Variants in TBC1D32 observed in about 807,000 individuals in gnomAD.
TBC1D32 encodes protein broad-minded.
TBC1D32 carries 151 observed loss-of-function variants against 170.3 expected under a neutral mutation model. That is an observed-to-expected ratio of 0.89 (90% confidence interval 0.78 to 1.01). The LOEUF is 1.01. Ranked by LOEUF, TBC1D32 falls within the 50% of genes least tolerant of loss-of-function variation. The pLI, the probability that TBC1D32 is intolerant of heterozygous loss-of-function variation, is 0.00. For synonymous variants in TBC1D32, 498 were observed against 488.0 expected (o/e 1.02, Z -0.27); for missense variants, 1,464 against 1,457.1 (o/e 1.00, Z -0.08).
chr6:121,275,647 T>C (rs1222977820), intron 15 of TBC1D32, among the ~76,000 whole-genome samples: 1 of 152,180 alleles, frequency 6.6e-6, no homozygotes, highest in Non-Finnish European at 1.5e-5. Flanking sequence ...GTACTTCCCA[T>C]AGACTGCTGG....
At chr6:121,261,680 A>G (rs1037718037) in intron 15 of TBC1D32, among the ~76,000 whole-genome samples, 5 of 152,198 alleles carry the variant, frequency 3.3e-5, no homozygotes, top group Admixed American at 2.0e-4. Context: ...GAAAGAATCA[A>G]TGAAAAAAAT....
rs909428257 is a variant in TBC1D32 at position 121,161,554 on chromosome 6, A to G, written c.2571-498T>C. On this transcript the variant is annotated intron_variant, in intron 22 of 31. Coordinates refer to ENST00000398212, the MANE Select transcript of TBC1D32 (RefSeq NM_152730.6). ...ATCCTTTCTATAGCTGCATAGTATTACATGCTGTATATGTATCACATTTTC... is the reference window on the plus strand; with the variant it reads ...ATCCTTTCTATAGCTGCATAGTATTGCATGCTGTATATGTATCACATTTTC... Among the ~76,000 whole-genome samples, 4 of 152,190 alleles carry G rather than the reference A, an allele frequency of 2.6e-5. No homozygotes were observed. The East Asian group carries it at 5.8e-4, about 22-fold the overall frequency.
chr6:121,289,094 A>T (rs1294347647), intron 12 of TBC1D32, among the ~76,000 whole-genome samples: 1 of 152,216 alleles, frequency 6.6e-6, no homozygotes, highest in East Asian at 1.9e-4. Context: ...AAACTGGCAC[A>T]AGACAAGGAT....
rs577371928 is a variant in TBC1D32, at chr6:121,316,348, C to T, written c.495+1147G>A. Reference sequence around the variant, plus strand: ...AAGAGCATATAATCTTGTGAGCCCCCAGAGTCATAAAATTGGGTTTTCTGT... The same window carrying T: ...AAGAGCATATAATCTTGTGAGCCCCTAGAGTCATAAAATTGGGTTTTCTGT... On this transcript the variant is annotated intron_variant, in intron 3 of 31. Transcript: ENST00000398212. Among the ~76,000 whole-genome samples, 31 of 152,192 alleles carry T rather than the reference C, an allele frequency of 2.0e-4. No homozygotes were observed. The South Asian group carries it at 6.4e-3, about 32-fold the overall frequency.
At chr6:121,094,385 T>C (rs1777159510) in intron 30 of TBC1D32, among the ~76,000 whole-genome samples, 1 of 152,022 alleles carries the variant, frequency 6.6e-6, no homozygotes, top group African/African-American at 2.4e-5. Context: ...CAGGCTGGTC[T>C]CAAACTCCTG....
chr6:121,098,571 A>G (rs1777683909), intron 30 of TBC1D32, among the ~76,000 whole-genome samples: 1 of 152,060 alleles, frequency 6.6e-6, no homozygotes, highest in African/African-American at 2.4e-5. Flanking sequence ...ACGTAAGACT[A>G]TTTCTGTTGC....
chr6:121,272,009 C>G lies in TBC1D32; in HGVS notation c.1733+7112G>C, dbSNP rs145714351. Among the ~76,000 whole-genome samples, 1,351 of 152,122 alleles carry G rather than the reference C, an allele frequency of 8.9e-3. 27 individuals are homozygous for G. Among genetic ancestry groups the G allele is most frequent in the African/African-American group, 0.031 (1,276 of 41,492 alleles). On this transcript the variant is annotated intron_variant, in intron 15 of 31. Coordinates refer to ENST00000398212, the MANE Select transcript of TBC1D32 (RefSeq NM_152730.6). ...CTGACAAAAACAAGAAATGGGGAAA[C>G]GATTCCCTATTTAATAAATGGTGCT...
Position 121,267,106 on chromosome 6 carries a change from T to C in TBC1D32, c.1734-10821A>G, listed in dbSNP as rs557269016. Among the ~76,000 whole-genome samples the C allele has an allele frequency of 2.2e-3, 285 of 129,534 alleles. 1 individual carries two copies. The highest frequency in any genetic ancestry group is 8.4e-3 in the African/African-American group (273 of 32,650). The allele number at this position is 129,534 out of a possible 152,430, so 85.0% of individuals were successfully genotyped here. A position where few individuals can be genotyped will look rare whatever the true frequency, so the allele number is the denominator to read the frequency against. ...AAAAAAAAAAAAAAGAATAGGACACTAAAATAACAATGTGCTCTTCTAAAA... is the reference window on the plus strand; with the variant it reads ...AAAAAAAAAAAAAAGAATAGGACACCAAAATAACAATGTGCTCTTCTAAAA... On this transcript the variant is annotated intron_variant, in intron 15 of 31. Coordinates refer to ENST00000398212, the MANE Select transcript of TBC1D32 (RefSeq NM_152730.6).
chr6:121,122,755 CT>C (rs2128208541), intron 26 of TBC1D32, among the ~76,000 whole-genome samples: 1 of 152,112 alleles, frequency 6.6e-6, no homozygotes, highest in South Asian at 2.1e-4. Flanking sequence ...GAGCAGAAGA[CT>C]TTTTCTGTCA....
intron 15 of TBC1D32, among the ~76,000 whole-genome samples, chr6:121,271,702 A>T (rs1369442768): frequency 6.6e-6 from 1 of 152,184 alleles, no homozygotes; most frequent in Non-Finnish European, 1.5e-5. Context: ...GGTAATTTAT[A>T]TATTCAATGC....
chr6:121,110,643 C>A (rs1345648599), intron 29 of TBC1D32, among the ~76,000 whole-genome samples: 1 of 152,052 alleles, frequency 6.6e-6, no homozygotes, highest in East Asian at 1.9e-4. Flanking sequence ...TAGAAACCAT[C>A]ACCACAATGT....
At chr6:121,133,858 G>A (rs577191326) in intron 24 of TBC1D32, among the ~76,000 whole-genome samples, 1 of 152,022 alleles carries the variant, frequency 6.6e-6, no homozygotes, top group East Asian at 1.9e-4. Flanking sequence ...TCTGTCAGAA[G>A]CAATAACTAG....
At chr6:121,149,236 T>C (rs922350381) in intron 24 of TBC1D32, among the ~76,000 whole-genome samples, 2 of 152,190 alleles carry the variant, frequency 1.3e-5, no homozygotes, top group African/African-American at 2.4e-5. Flanking sequence ...TAGTTTCTTT[T>C]GCTGTGCAGG....
chr6:121,294,528 T>A (rs1289541269), intron 11 of TBC1D32, 42 bp downstream of exon 11: 2 of 1,454,624 alleles, frequency 1.4e-6, no homozygotes, highest in Non-Finnish European at 1.9e-6. Flanking sequence ...CTAATAAAAT[T>A]TACCATTTTT....
rs181710421 is a variant in TBC1D32 at position 121,193,416 on chromosome 6, T to C, written c.2570+11659A>G. 4.1e-3 allele frequency among the ~76,000 whole-genome samples: 621 copies of C among 152,302 alleles called. 4 individuals are homozygous for C. The highest frequency in any genetic ancestry group is 0.01 in the Middle Eastern group (3 of 294). ...ATCCCAGTTGGGAGGGTCCAGAAGA[T>C]ACACCCTTGACCACTGCCTTGTGAA... On this transcript the variant is annotated intron_variant, in intron 22 of 31. Coordinates refer to ENST00000398212, the MANE Select transcript of TBC1D32 (RefSeq NM_152730.6).
chr6:121,105,372 T>C (rs917342363), intron 30 of TBC1D32, among the ~76,000 whole-genome samples: 7 of 152,006 alleles, frequency 4.6e-5, no homozygotes, highest in African/African-American at 1.7e-4. Context: ...GTTACAACTT[T>C]AGATGAAGTA....
chr6:121,124,285 C>T (rs1780596704), intron 26 of TBC1D32, among the ~76,000 whole-genome samples: 1 of 152,022 alleles, frequency 6.6e-6, no homozygotes, highest in Admixed American at 6.6e-5. Flanking sequence ...TTAAGGATAG[C>T]TTTCCTGGAT....
intron 15 of TBC1D32, among the ~76,000 whole-genome samples, chr6:121,268,655 G>A (rs573535332): frequency 3.0e-4 from 45 of 152,140 alleles, no homozygotes; most frequent in Non-Finnish European, 5.0e-4. Context: ...TGAAAGTGAC[G>A]GGGAGAATGA....
chr6:121,152,998 G>A (rs1418130121), intron 24 of TBC1D32, among the ~76,000 whole-genome samples: 3 of 152,036 alleles, frequency 2.0e-5, no homozygotes, highest in Non-Finnish European at 4.4e-5. Flanking sequence ...AAAGCCTACT[G>A]TCAATTTGTC....
Sources: gnomAD v4.1 joint callset for allele counts (sites outside exome capture counted in the v4.1 genomes callset) on GRCh38, gnomAD v4.1.1 for gene constraint, MANE v1.5 for transcripts, NCBI Gene and HGNC (gene_info 2026-07-23, HGNC 2026-07-21) for gene names.